The following GRK1 variants were observed in gnomAD, a reference collection of about 807,000 sequenced individuals.
GRK1 encodes rhodopsin kinase GRK1.
A neutral mutation model predicts 41.7 loss-of-function variants in GRK1; 28 were observed. The observed-to-expected ratio is 0.67, with a 90% CI of 0.50 to 0.92. The LOEUF is 0.92. Ranked by LOEUF, GRK1 falls within the 40% of genes least tolerant of loss-of-function variation. GRK1 has a pLI of 0.00. For synonymous variants in GRK1, 327 were observed against 286.7 expected (o/e 1.14, Z -1.42); for missense variants, 703 against 671.2 (o/e 1.05, Z -0.52).
the GRK1 span, chr13:113,649,272 T>C: frequency 1.9e-5 from 27 of 1,412,288 alleles, no homozygotes; most frequent in Non-Finnish European, 2.5e-5. The surrounding 1 kb of genome is among the most constrained non-coding windows in gnomAD (Gnocchi z 4.7). Context: ...CAAACCACTT[T>C]GGGGATGATT....
In GRK1 at chr13:113,671,879, C is replaced by G. The variant is rs1398049232; in HGVS notation, c.985+223C>G. Among the ~76,000 whole-genome samples, 1 of 152,104 alleles carries G rather than the reference C, an allele frequency of 6.6e-6. No homozygotes were observed. The highest frequency in any genetic ancestry group is 1.9e-4 in the East Asian group (1 of 5,188). On this transcript the variant is annotated intron_variant, in intron 3 of 6. Coordinates refer to ENST00000335678, the MANE Select transcript of GRK1 (RefSeq NM_002929.3). The surrounding 1 kb of genome is among the most constrained non-coding windows in gnomAD (Gnocchi z 4.1). ...GCAGAACCAGCTGGGAACGGCGAGT[C>G]TGTTACGCCCAGTCCCCACCTTCCT...
chr13:113,672,299 G>A (rs1042877624), intron 3 of GRK1, among the ~76,000 whole-genome samples: 1 of 150,894 alleles, frequency 6.6e-6, no homozygotes, highest in African/African-American at 2.4e-5. Flanking sequence ...GTCTGACTGG[G>A]GTGCTGGGGC....
intron 6 of GRK1, among the ~76,000 whole-genome samples, chr13:113,733,788 T>G (rs1210242222): frequency 5.3e-5 from 7 of 132,014 alleles, no homozygotes; most frequent in Non-Finnish European, 9.2e-5. Context: ...CGTGTGTGCA[T>G]GTGTGTATGT....
intron 4 of GRK1, among the ~76,000 whole-genome samples, chr13:113,728,535 A>G (rs2049910863): frequency 6.6e-6 from 1 of 152,112 alleles, no homozygotes; most frequent in African/African-American, 2.4e-5. Flanking sequence ...CTCATGGCGT[A>G]TAGTGGACTG....
At chr13:113,658,126 TCTC>T in the GRK1 span, 5 of 1,612,802 alleles carry the variant, frequency 3.1e-6, no homozygotes, top group African/African-American at 1.3e-5. Context: ...CACGTCTTCT[TCTC>T]CTGCAGAGCC....
At chr13:113,723,657 ATACAATGGGAGGCAGGT>A (rs2049870782) in intron 4 of GRK1, among the ~76,000 whole-genome samples, 1 of 152,120 alleles carries the variant, frequency 6.6e-6, no homozygotes, top group Non-Finnish European at 1.5e-5. Context: ...AGGACTTTGA[ATACAATGGGAGGCAGGT>A]TTGCCATAAG....
chr13:113,664,207 T>C (rs2049804619), upstream of GRK1, among the ~76,000 whole-genome samples: 2 of 152,106 alleles, frequency 1.3e-5, no homozygotes, highest in African/African-American at 4.8e-5. This position sits in a 1 kb window ranked among gnomAD's most constrained non-coding sequence, Gnocchi z 5.4. Flanking sequence ...TTGCCGGGCA[T>C]TGAGCAGGGC....
chr13:113,732,872 G>C lies in GRK1; in HGVS notation c.1195-12G>C, dbSNP rs770350889. On this transcript the variant is annotated splice_polypyrimidine_tract_variant and intron_variant, in intron 5 of 6. Transcript: ENST00000335678. ...GGGTCTGGCAGGGCTAAGGCTACGC[G>C]TGTCCCCACAGGTGGAGAACAAGGA... The C allele has an allele frequency of 2.6e-6, 4 of 1,536,068 alleles. No homozygotes were observed. The highest frequency in any genetic ancestry group is 1.2e-5 in the South Asian group (1 of 84,038).
the GRK1 span, among the ~76,000 whole-genome samples, chr13:113,657,559 C>T: frequency 6.6e-6 from 1 of 152,220 alleles, no homozygotes; most frequent in Admixed American, 6.5e-5. Flanking sequence ...CAGGCTGAGG[C>T]AGGCCTGGTT....
At chr13:113,656,774 T>G in the GRK1 span, among the ~76,000 whole-genome samples, 1 of 152,156 alleles carries the variant, frequency 6.6e-6, no homozygotes, top group Non-Finnish European at 1.5e-5. Flanking sequence ...GGCCAGGCAG[T>G]GAGACCATTC....
intron 3 of GRK1, 24 bp from the exon 4 acceptor site, chr13:113,723,050 G>A (rs2049866232): frequency 1.4e-6 from 1 of 697,690 alleles, no homozygotes; most frequent in Non-Finnish European, 2.6e-6. Context: ...GCAGCCAGGG[G>A]TGACTCCGCT....
At chr13:113,732,646 G>T (rs1318188819) in intron 5 of GRK1, among the ~76,000 whole-genome samples, 2 of 152,198 alleles carry the variant, frequency 1.3e-5, no homozygotes, top group African/African-American at 2.4e-5. Flanking sequence ...CTGGGGGTGG[G>T]TCAGCCAGAG....
chr13:113,668,292 G>C (rs1001847574), intron 1 of GRK1, among the ~76,000 whole-genome samples: 1 of 152,354 alleles, frequency 6.6e-6, no homozygotes, highest in South Asian at 2.1e-4. Context: ...GTCCCTCCTC[G>C]GAGAGTGACC....
At position 113,671,668 on chromosome 13, in the gene GRK1, C is replaced by T. The variant is rs1387894780; in HGVS notation, c.985+12C>T. ...GCTGGACAATGACGGTAGGAGGTGC[C>T]CTCGGCTGGGAGGGATGAGGGCTAC... On this transcript the variant is annotated intron_variant, in intron 3 of 6. Coordinates refer to ENST00000335678, the MANE Select transcript of GRK1 (RefSeq NM_002929.3). The surrounding 1 kb of genome is among the most constrained non-coding windows in gnomAD (Gnocchi z 4.1). 5.4e-6 allele frequency: 4 copies of T among 743,802 alleles called. No homozygotes were observed. Among genetic ancestry groups the T allele is most frequent in the African/African-American group, 3.4e-5 (2 of 58,560 alleles). The allele number at this position is 743,802 out of a possible 1,614,324, so 46.1% of individuals were successfully genotyped here.
rs1229823870 is a variant in GRK1 at position 113,733,836 on chromosome 13, TGC to T, written c.1396+753_1396+754del. ...ATACGTGTGTGCGTGTGTGTGCACGTGCGTGTGCATGTGTATGTGTGCATACG... is the reference window on the plus strand; with the variant it reads ...ATACGTGTGTGCGTGTGTGTGCACGTGTGTGCATGTGTATGTGTGCATACG... On this transcript the variant is annotated intron_variant, in intron 6 of 6. Transcript: ENST00000335678. Among the ~76,000 whole-genome samples the T allele has an allele frequency of 4.4e-3, 578 of 131,396 alleles. 14 individuals carry two copies. Among genetic ancestry groups the T allele is most frequent in the African/African-American group, 0.018 (533 of 29,258 alleles). The allele number at this position is 131,396 out of a possible 152,430, so 86.2% of individuals were successfully genotyped here. A position where few individuals can be genotyped will look rare whatever the true frequency, so the allele number is the denominator to read the frequency against.
chr13:113,654,995 C>G, the GRK1 span: 8 of 1,607,190 alleles, frequency 5.0e-6, no homozygotes, highest in Non-Finnish European at 6.0e-6. Flanking sequence ...TTAACGCACA[C>G]AATTCGGTGG....
At chr13:113,667,192 T>C (rs2049823807), upstream of GRK1, 1 of 581,580 alleles carries the variant, frequency 1.7e-6, no homozygotes, top group Admixed American at 3.1e-5. This position sits in a 1 kb window ranked among gnomAD's most constrained non-coding sequence, Gnocchi z 7.5. Context: ...TGGTGCTGTG[T>C]CAGCCCCGGG....
In GRK1 at chr13:113,730,288, G is replaced by A. The variant is rs374939876; in HGVS notation, c.1070-931G>A. Among the ~76,000 whole-genome samples the A allele has an allele frequency of 4.2e-4, 35 of 84,112 alleles. No individual in the cohort carries two copies. The East Asian group carries it at 8.7e-3, about 21-fold the overall frequency. 55.2% of individuals were successfully genotyped at this position (84,112 alleles called of 152,430 possible). On this transcript the variant is annotated intron_variant, in intron 4 of 6. Transcript: ENST00000335678. Reference sequence around the variant, plus strand: ...CCCGACACAGTCCCCCAGTCCCTGCGGCTGCACCCAGACCCGTCCCTCCAT... The same window carrying A: ...CCCGACACAGTCCCCCAGTCCCTGCAGCTGCACCCAGACCCGTCCCTCCAT...
the GRK1 span, among the ~76,000 whole-genome samples, chr13:113,656,727 T>G: frequency 6.6e-6 from 1 of 152,262 alleles, no homozygotes; most frequent in African/African-American, 2.4e-5. Flanking sequence ...CCTGGGGCCC[T>G]AAGACTTTCT....
Sources: allele counts gnomAD v4.1 joint callset (sites outside exome capture counted in the v4.1 genomes callset), GRCh38; gene constraint gnomAD v4.1.1; non-coding constraint Gnocchi (gnomAD v3.1); transcripts MANE v1.5; gene names NCBI Gene and HGNC (gene_info 2026-07-23, HGNC 2026-07-21).